PDE5A: variants seen among roughly 807,000 people sequenced by gnomAD.
The protein encoded by PDE5A is phosphodiesterase 5A, also known as cGMP-specific 3',5'-cyclic phosphodiesterase.
In PDE5A, 67 loss-of-function variants were observed where a neutral mutation model predicts 110.2. The observed-to-expected ratio is 0.61, with a 90% CI of 0.50 to 0.75. The LOEUF (loss-of-function observed/expected upper bound fraction) is 0.75, where lower values mean the gene tolerates loss of function less well. PDE5A is among the 30% of genes least tolerant of loss of function. The pLI is 0.00. For synonymous variants in PDE5A, 328 were observed against 351.2 expected (o/e 0.93, Z 0.74); for missense variants, 862 against 1,045.1 (o/e 0.82, Z 2.42).
chr4:119,608,684 C>G (rs1220403763), intron 1 of PDE5A, among the ~76,000 whole-genome samples: 3 of 152,072 alleles, frequency 2.0e-5, no homozygotes, highest in Non-Finnish European at 2.9e-5. Flanking sequence ...TAAAAAGTTG[C>G]TATAACTGAG....
rs1024612971 is a variant in PDE5A, at chr4:119,495,506, C to A, written c.*3095G>T. The A allele has an allele frequency of 6.6e-6, 1 of 152,408 alleles. No individual in the cohort carries two copies. Among genetic ancestry groups the A allele is most frequent in the Admixed American group, 6.6e-5 (1 of 15,228 alleles). The allele number at this position is 152,408 out of a possible 1,614,324, so 9.4% of individuals were successfully genotyped here. On this transcript the variant is annotated 3_prime_UTR_variant, in exon 21 of 21. Transcript: ENST00000354960. ...TAGGAGTACAATCTGGTGAAAAACACAGAAAAAAATTGTAGATCAAATTGG... is the reference window on the plus strand; with the variant it reads ...TAGGAGTACAATCTGGTGAAAAACAAAGAAAAAAATTGTAGATCAAATTGG...
intron 2 of PDE5A, among the ~76,000 whole-genome samples, chr4:119,604,081 T>C (rs1729440857): frequency 6.6e-6 from 1 of 152,200 alleles, no homozygotes; most frequent in Non-Finnish European, 1.5e-5. Flanking sequence ...ATGAAATTCT[T>C]GGGACATGAA....
intron 14 of PDE5A, among the ~76,000 whole-genome samples, chr4:119,513,462 C>T (rs573465459): frequency 6.6e-6 from 1 of 152,254 alleles, no homozygotes; most frequent in South Asian, 2.1e-4. Context: ...CTGCTTCCTT[C>T]CCAGTTCTGC....
At chr4:119,584,689 C>T (rs1405006134) in intron 3 of PDE5A, among the ~76,000 whole-genome samples, 1 of 152,174 alleles carries the variant, frequency 6.6e-6, no homozygotes, top group Non-Finnish European at 1.5e-5. Context: ...AAAAAAAATT[C>T]AGTACCTCCT....
chr4:119,575,522 G>A (rs1728302852), intron 3 of PDE5A, among the ~76,000 whole-genome samples: 2 of 152,122 alleles, frequency 1.3e-5, no homozygotes, highest in Admixed American at 6.5e-5. Context: ...AGAGAGTGGG[G>A]GCCAATATTC....
chr4:119,576,203 T>C (rs1363830344), intron 3 of PDE5A, among the ~76,000 whole-genome samples: 1 of 152,074 alleles, frequency 6.6e-6, no homozygotes, highest in African/African-American at 2.4e-5. Context: ...CTTAGAGACC[T>C]ACAAAGAGAC....
rs757752838 is a variant in PDE5A at position 119,539,023 on chromosome 4, C to T, written c.1573-4G>A. On this transcript the variant is annotated splice_polypyrimidine_tract_variant and splice_region_variant and intron_variant, in intron 10 of 20. Coordinates refer to ENST00000354960, the MANE Select transcript of PDE5A (RefSeq NM_001083.4). ...CTGAAGCATGATACGACAGAACCTA[C>T]AGGGTAGGAAAAGAAGTCCAGGTTA... 6.2e-7 allele frequency: 1 copy of T among 1,611,474 alleles called. No individual in the cohort carries two copies. The highest frequency in any genetic ancestry group is 1.1e-5 in the South Asian group (1 of 91,026).
At chr4:119,521,731 T>C (rs565826784) in intron 12 of PDE5A, among the ~76,000 whole-genome samples, 20 of 151,776 alleles carry the variant, frequency 1.3e-4, no homozygotes, top group African/African-American at 4.8e-4. Context: ...GGGGTCCATA[T>C]AAAAAACACT....
chr4:119,585,860 A>G lies in PDE5A; in HGVS notation c.831+10663T>C, dbSNP rs569987326. ...TTGCTCATTTTTTCTCAAATTGCTC[A>G]CTCTGGAGAAGTCAGCTGCCATGAT... On this transcript the variant is annotated intron_variant, in intron 3 of 20. Transcript: ENST00000354960. Among the ~76,000 whole-genome samples, 12 of 152,258 alleles carry G rather than the reference A, an allele frequency of 7.9e-5. No homozygotes were observed. The East Asian group carries it at 2.3e-3, about 29-fold the overall frequency.
At chr4:119,612,594 C>CT (rs1247384039) in intron 1 of PDE5A, among the ~76,000 whole-genome samples, 9 of 152,192 alleles carry the variant, frequency 5.9e-5, no homozygotes, top group African/African-American at 1.9e-4. Flanking sequence ...ATTACCCAGC[C>CT]TTGGGTATTT....
At chr4:119,620,046 TGGAG>T (rs1356119982) in intron 1 of PDE5A, among the ~76,000 whole-genome samples, 1 of 152,198 alleles carries the variant, frequency 6.6e-6, no homozygotes, top group Non-Finnish European at 1.5e-5. Context: ...ATTTAGTGTC[TGGAG>T]TTCAGGGATG....
chr4:119,538,962 C>G lies in PDE5A; in HGVS notation c.1630G>C (p.Ala544Pro). ...TTAAAAAGAAAGAGGATAATTACCG[C>G]TAACGACTGTAGCTCTCTTGTTTCT... Reference protein sequence around the residue: ...EEETRELQSLAAAVVPSAQTL... With the variant: ...EEETRELQSLPAAVVPSAQTL... The change falls in exon 11 of 21, where the codon GCG becomes CCG. Residue 544 changes from alanine to proline, a missense_variant and splice_region_variant. Transcript: ENST00000354960. 1 of 1,610,226 alleles carries G rather than the reference C, an allele frequency of 6.2e-7. No individual in the cohort carries two copies. The highest frequency in any genetic ancestry group is 8.5e-7 in the Non-Finnish European group (1 of 1,176,734).
At chr4:119,597,304 G>GTTTTTTTT (rs33944872) in intron 2 of PDE5A, among the ~76,000 whole-genome samples, 2 of 144,936 alleles carry the variant, frequency 1.4e-5, no homozygotes, top group Non-Finnish European at 3.0e-5. Context: ...CTCTGTGAGG[G>GTTTTTTTT]TTTTTTTTTT....
intron 2 of PDE5A, among the ~76,000 whole-genome samples, chr4:119,604,557 C>CA (rs1729462056): frequency 6.6e-6 from 1 of 152,062 alleles, no homozygotes; most frequent in South Asian, 2.1e-4. Context: ...TTACAGAGCT[C>CA]AAAGAGGTCA....
At chr4:119,552,529 A>C in intron 9 of PDE5A, 21 bp downstream of exon 9, 1 of 985,364 alleles carries the variant, frequency 1.0e-6, no homozygotes, top group South Asian at 2.0e-5. Flanking sequence ...TTTAGAGTAT[A>C]GGTTAAAGGA....
At chr4:119,567,003 T>C in intron 4 of PDE5A, 70 bp downstream of exon 4, 2 of 1,028,998 alleles carry the variant, frequency 1.9e-6, no homozygotes, top group East Asian at 2.4e-5. Flanking sequence ...CAGCTAAACC[T>C]AGAGGTGTAT....
At chr4:119,601,926 C>T (rs28382361) in intron 2 of PDE5A, among the ~76,000 whole-genome samples, 123,407 of 152,074 alleles carry the variant, frequency 0.81, 50,212 homozygotes, top group East Asian at 0.9. Flanking sequence ...TTAACAATGT[C>T]TAAATTTAAA....
intron 1 of PDE5A, among the ~76,000 whole-genome samples, chr4:119,612,447 G>T (rs1729789820): frequency 6.6e-6 from 1 of 152,176 alleles, no homozygotes; most frequent in African/African-American, 2.4e-5. Flanking sequence ...CTCACCATAT[G>T]ATATGCAGGT....
chr4:119,605,848 C>G (rs1180448660), intron 2 of PDE5A, among the ~76,000 whole-genome samples: 1 of 152,166 alleles, frequency 6.6e-6, no homozygotes, highest in African/African-American at 2.4e-5. Flanking sequence ...CACAATAAAA[C>G]AGCTATGACT....
Sources: allele counts gnomAD v4.1 joint callset (sites outside exome capture counted in the v4.1 genomes callset), GRCh38; gene constraint gnomAD v4.1.1; transcripts MANE v1.5; gene names NCBI Gene and HGNC (gene_info 2026-07-23, HGNC 2026-07-21).